Variants in VAV3 observed in about 807,000 individuals in gnomAD.
The protein encoded by VAV3 is guanine nucleotide exchange factor VAV3.
In VAV3, 94 loss-of-function variants were observed where a neutral mutation model predicts 131.2. The observed-to-expected ratio is 0.72, with a 90% confidence interval of 0.61 to 0.85. VAV3 has a LOEUF of 0.85. Ranked by LOEUF, VAV3 falls within the 40% of genes least tolerant of loss-of-function variation. VAV3 has a pLI of 0.00. For synonymous variants in VAV3, 349 were observed against 342.0 expected (o/e 1.02, Z -0.22); for missense variants, 939 against 1,002.7 (o/e 0.94, Z 0.86).
At chr1:107,624,763 T>C (rs1224568917) in intron 20 of VAV3, among the ~76,000 whole-genome samples, 1 of 152,220 alleles carries the variant, frequency 6.6e-6, no homozygotes, top group African/African-American at 2.4e-5. Flanking sequence ...ACTTTTCTAC[T>C]AAAAGCAAAA....
chr1:107,617,803 T>C (rs1311015319), intron 20 of VAV3, among the ~76,000 whole-genome samples, 171 bp from the exon 21 acceptor site: 1 of 152,232 alleles, frequency 6.6e-6, no homozygotes, highest in Non-Finnish European at 1.5e-5. Flanking sequence ...AAAGCAGAGA[T>C]AGTTTTCTTG....
intron 19 of VAV3, among the ~76,000 whole-genome samples, chr1:107,667,877 T>G (rs1342184386): frequency 6.6e-6 from 1 of 152,148 alleles, no homozygotes; most frequent in African/African-American, 2.4e-5. Flanking sequence ...CTTCCTTCCT[T>G]GCTTGGAATC....
At chr1:107,652,572 G>A (rs924380290) in intron 19 of VAV3, among the ~76,000 whole-genome samples, 1 of 152,036 alleles carries the variant, frequency 6.6e-6, no homozygotes, top group African/African-American at 2.4e-5. Flanking sequence ...TTATGAACTT[G>A]CAATTCACAT....
rs147494677 is a variant in VAV3 at position 107,761,856 on chromosome 1, G to A, written c.922-977C>T. On this transcript the variant is annotated intron_variant, in intron 9 of 26. Coordinates refer to ENST00000370056, the MANE Select transcript of VAV3 (RefSeq NM_006113.5). The stretch of plus-strand genomic sequence containing the variant: ...ATGGAATATTTGACTTTAAAACTTT[G>A]CTCAAGTATAAACCTACTACTAAAC... Among the ~76,000 whole-genome samples the A allele has an allele frequency of 7.2e-3, 1,101 of 152,206 alleles. 9 individuals are homozygous for A. Among genetic ancestry groups the A allele is most frequent in the African/African-American group, 0.011 (466 of 41,530 alleles).
Position 107,748,971 on chromosome 1 carries a change from G to A in VAV3, c.1499C>T (p.Ala500Val). ...TTTTAAAAATAGAAATACTCACAAAGCCATTTCAAACTGTTCTAGCCATTT... is the reference window on the plus strand; with the variant it reads ...TTTTAAAAATAGAAATACTCACAAAACCATTTCAAACTGTTCTAGCCATTT... ...KKKWLEQFEM[A>V]LSNIRPDYAD... The change falls in exon 15 of 27, where the codon GCT (alanine) becomes GTT (valine). Residue 500 changes from alanine (A) to valine (V), a missense_variant. Coordinates refer to ENST00000370056, the MANE Select transcript of VAV3 (RefSeq NM_006113.5). 1 of 1,584,838 alleles carries A rather than the reference G, an allele frequency of 6.3e-7. No individual in the cohort carries two copies.
chr1:107,699,392 GGCAGCTC>G (rs755100907), intron 17 of VAV3, among the ~76,000 whole-genome samples: 2 of 152,240 alleles, frequency 1.3e-5, no homozygotes, highest in African/African-American at 2.4e-5. Context: ...CAGGGTCTTG[GGCAGCTC>G]TGCCCCTATG....
At chr1:107,942,423 T>G (rs1396311550) in intron 1 of VAV3, among the ~76,000 whole-genome samples, 3 of 152,174 alleles carry the variant, frequency 2.0e-5, no homozygotes, top group Non-Finnish European at 4.4e-5. Flanking sequence ...TCTCACTACA[T>G]CTTTAAAGGG....
chr1:107,636,008 A>G (rs887680849), intron 20 of VAV3, among the ~76,000 whole-genome samples: 4 of 152,252 alleles, frequency 2.6e-5, no homozygotes, highest in African/African-American at 9.6e-5. Flanking sequence ...GGTATTAACA[A>G]AGATATTCTT....
chr1:107,723,298 C>G (rs987524028), intron 15 of VAV3, among the ~76,000 whole-genome samples: 1 of 152,078 alleles, frequency 6.6e-6, no homozygotes, highest in African/African-American at 2.4e-5. Flanking sequence ...GTCACAGCCT[C>G]CCCTGACTTG....
intron 16 of VAV3, 24 bp from the exon 17 acceptor site, chr1:107,704,674 G>C: frequency 6.3e-7 from 1 of 1,586,042 alleles, no homozygotes; most frequent in Non-Finnish European, 8.6e-7. Flanking sequence ...TAAGAAAGTG[G>C]TATATTAAAC....
chr1:107,918,395 A>T (rs1041943277), intron 1 of VAV3, among the ~76,000 whole-genome samples: 2 of 152,150 alleles, frequency 1.3e-5, no homozygotes, highest in African/African-American at 4.8e-5. Context: ...TCTGAACACA[A>T]CACAGACAAG....
chr1:107,798,718 C>CAAAAAAAAAAAAAAAAAAAAAAAAAA (rs57288177), intron 2 of VAV3, among the ~76,000 whole-genome samples: 1 of 49,522 alleles, frequency 2.0e-5, no homozygotes, highest in Non-Finnish European at 3.4e-5. Flanking sequence ...GACTCCCTCT[C>CAAAAAAAAAAAAAAAAAAAAAAAAAA]AAAAAAAAAA....
intron 1 of VAV3, among the ~76,000 whole-genome samples, chr1:107,896,703 C>G: frequency 7.8e-6 from 1 of 128,700 alleles, no homozygotes; most frequent in Admixed American, 7.1e-5. Flanking sequence ...TTTAAAAAGA[C>G]TGGCAATTTT....
intron 2 of VAV3, among the ~76,000 whole-genome samples, chr1:107,827,910 C>T (rs188921641): frequency 2.9e-4 from 44 of 152,218 alleles, no homozygotes; most frequent in African/African-American, 1.0e-3. Context: ...AATTCCTATT[C>T]TAGACCAACT....
intron 1 of VAV3, among the ~76,000 whole-genome samples, chr1:107,884,140 A>T (rs887698301): frequency 2.8e-5 from 4 of 140,576 alleles, no homozygotes; most frequent in African/African-American, 1.1e-4. Context: ...GGCCCAGTTT[A>T]AAAAAAAAAA....
At chr1:107,957,671 G>A (rs1300309194) in intron 1 of VAV3, among the ~76,000 whole-genome samples, 8 of 152,040 alleles carry the variant, frequency 5.3e-5, no homozygotes, top group Non-Finnish European at 1.0e-4. Flanking sequence ...ATAATAAGAG[G>A]TACAAGAGAA....
intron 6 of VAV3, 108 bp downstream of exon 6, chr1:107,770,528 T>A: frequency 1.3e-6 from 1 of 751,742 alleles, no homozygotes; most frequent in Non-Finnish European, 2.3e-6. Flanking sequence ...TACAAAGTTC[T>A]CCTAAAAATT....
At chr1:107,766,658 A>G in intron 7 of VAV3, 108 bp from the exon 8 acceptor site, 1 of 753,442 alleles carries the variant, frequency 1.3e-6, no homozygotes, top group Non-Finnish European at 2.3e-6. Flanking sequence ...GATATGCTGA[A>G]TGCTCTCAAT....
chr1:107,857,349 A>C (rs1669524167), intron 2 of VAV3, among the ~76,000 whole-genome samples: 1 of 152,174 alleles, frequency 6.6e-6, no homozygotes, highest in African/African-American at 2.4e-5. Context: ...CTTGCTCCTC[A>C]GCTTGCAGAC....
Sources: allele counts gnomAD v4.1 joint callset (sites outside exome capture counted in the v4.1 genomes callset), GRCh38; gene constraint gnomAD v4.1.1; transcripts MANE v1.5; gene names NCBI Gene and HGNC (gene_info 2026-07-23, HGNC 2026-07-21).